Variants in PCDH15 observed in about 807,000 individuals in gnomAD.
The protein encoded by PCDH15 is protocadherin related 15.
In PCDH15, 129 loss-of-function variants were observed where a neutral mutation model predicts 178.5. The observed-to-expected ratio is 0.72, with a 90% confidence interval of 0.63 to 0.84. PCDH15 has a LOEUF of 0.84. PCDH15 is among the 40% of genes least tolerant of loss of function. PCDH15 has a pLI of 0.00. For missense variants in PCDH15, 2,230 were observed against 2,099.9 expected, an observed-to-expected ratio of 1.06 and a Z score of -1.21; for synonymous variants, 800 against 732.0, an observed-to-expected ratio of 1.09 and a Z score of -1.50.
intron 2 of PCDH15, among the ~76,000 whole-genome samples, chr10:54,955,088 G>A (rs1354660589): frequency 1.3e-5 from 2 of 151,182 alleles, no homozygotes; most frequent in African/African-American, 2.4e-5. Flanking sequence ...ATAGTGAATT[G>A]TTTTTTGCAT....
intron 14 of PCDH15, among the ~76,000 whole-genome samples, chr10:54,147,740 AAAAC>A (rs1449518325): frequency 1.3e-5 from 2 of 152,140 alleles, no homozygotes; most frequent in East Asian, 1.9e-4. Flanking sequence ...TCAAAATAAA[AAAAC>A]AAAAGGTGAC....
At chr10:54,155,437 G>C (rs1208255061) in intron 13 of PCDH15, among the ~76,000 whole-genome samples, 1 of 152,014 alleles carries the variant, frequency 6.6e-6, no homozygotes, top group Non-Finnish European at 1.5e-5. Context: ...AGCTTAACAA[G>C]TACACAAAAT....
rs577715712 is a variant in PCDH15 at position 54,511,340 on chromosome 10, T to C, written c.157+16472A>G. On this transcript the variant is annotated intron_variant, in intron 3 of 37. Transcript: ENST00000644397. ...TTGTCCCCATGGACTCTAATTTGGC[T>C]TCATGGATATCAGTTTGCCCTCACT... Among the ~76,000 whole-genome samples the C allele has an allele frequency of 5.9e-5, 9 of 152,254 alleles. No individual in the cohort carries two copies. In the East Asian group the frequency reaches 1.7e-3, roughly 29 times the overall value.
chr10:55,141,348 G>T (rs1564832198), intron 2 of PCDH15, among the ~76,000 whole-genome samples: 2 of 151,978 alleles, frequency 1.3e-5, no homozygotes, highest in Admixed American at 6.6e-5. Context: ...AAAAGAACTG[G>T]GTTAGAGTCA....
intron 11 of PCDH15, among the ~76,000 whole-genome samples, chr10:54,195,163 T>C (rs2049477646): frequency 6.6e-6 from 1 of 152,106 alleles, no homozygotes; most frequent in Non-Finnish European, 1.5e-5. Flanking sequence ...GTAGATAGTG[T>C]GAGTACAAGA....
At chr10:54,147,075 C>T (rs2044054800) in intron 14 of PCDH15, among the ~76,000 whole-genome samples, 1 of 148,348 alleles carries the variant, frequency 6.7e-6, no homozygotes, top group Non-Finnish European at 1.5e-5. Flanking sequence ...ATATAATCTT[C>T]CTTATAAAAG....
At chr10:54,447,923 C>T (rs2076242408) in intron 3 of PCDH15, among the ~76,000 whole-genome samples, 1 of 148,278 alleles carries the variant, frequency 6.7e-6, no homozygotes, top group Admixed American at 6.9e-5. Context: ...AAATAAATAT[C>T]CTTAAATAAA....
intron 2 of PCDH15, among the ~76,000 whole-genome samples, chr10:54,930,238 T>A (rs1598177): frequency 6.6e-6 from 1 of 152,132 alleles, no homozygotes; most frequent in South Asian, 2.1e-4. Flanking sequence ...GGTTCTTCAC[T>A]CACTGTGTAA....
intron 9 of PCDH15, among the ~76,000 whole-genome samples, chr10:54,234,922 G>A (rs2054470664): frequency 6.6e-6 from 1 of 152,032 alleles, no homozygotes; most frequent in Non-Finnish European, 1.5e-5. Flanking sequence ...TAACATACAA[G>A]GCTCTCTAGT....
At chr10:54,168,884 T>C (rs1395418007) in intron 13 of PCDH15, among the ~76,000 whole-genome samples, 1 of 151,838 alleles carries the variant, frequency 6.6e-6, no homozygotes. Flanking sequence ...GCCTTCAAGG[T>C]GTACAATAAT....
chr10:54,992,236 C>T (rs540862015), intron 2 of PCDH15, among the ~76,000 whole-genome samples: 2 of 152,240 alleles, frequency 1.3e-5, no homozygotes, highest in South Asian at 4.1e-4. Context: ...CACCACACTG[C>T]CATTTGATCA....
intron 3 of PCDH15, among the ~76,000 whole-genome samples, chr10:54,514,585 T>A (rs2082023279): frequency 6.6e-6 from 1 of 151,886 alleles, no homozygotes; most frequent in African/African-American, 2.4e-5. Context: ...AAATTATATT[T>A]TGTGAGATTT....
At position 54,130,689 on chromosome 10, in the gene PCDH15, TA is replaced by T. The variant is rs200011281; in HGVS notation, c.1917+2185del. Among the ~76,000 whole-genome samples the T allele has an allele frequency of 1.7e-4, 26 of 152,336 alleles. No homozygotes were observed. The East Asian group carries it at 5.0e-3, about 29-fold the overall frequency. On this transcript the variant is annotated intron_variant, in intron 15 of 37. Transcript: ENST00000644397. ...GACTTTGATCTCCATCAAAACAGAT[TA>T]GTTTGAAGCCAATTTGCTGCTATCT... is the stretch of plus-strand genomic sequence containing the variant.
In PCDH15 at chr10:53,968,778, C is replaced by G. The variant is rs186731463; in HGVS notation, c.2869-6886G>C. Among the ~76,000 whole-genome samples the G allele has an allele frequency of 4.4e-3, 674 of 152,304 alleles. 2 individuals carry two copies. Among genetic ancestry groups the G allele is most frequent in the Non-Finnish European group, 6.1e-3 (412 of 68,020 alleles). On this transcript the variant is annotated intron_variant, in intron 21 of 37. Coordinates refer to ENST00000644397, the MANE Select transcript of PCDH15 (RefSeq NM_001384140.1). The stretch of plus-strand genomic sequence containing the variant: ...ACCTCCAGCAACTCCAACAGTCCAG[C>G]AGCTGACGGTCCTGACTGTTAGAAC...
chr10:55,071,337 G>A (rs1334415748), intron 2 of PCDH15, among the ~76,000 whole-genome samples: 5 of 152,082 alleles, frequency 3.3e-5, no homozygotes, highest in African/African-American at 1.2e-4. Flanking sequence ...TCAGTGTGCT[G>A]TATTCAGGAC....
At chr10:54,283,793 C>A (rs1272275279) in intron 8 of PCDH15, among the ~76,000 whole-genome samples, 7 of 152,026 alleles carry the variant, frequency 4.6e-5, no homozygotes, top group African/African-American at 1.4e-4. Context: ...TGGAAGGATG[C>A]ACAGGTTCAG....
intron 1 of PCDH15, among the ~76,000 whole-genome samples, chr10:55,223,953 CATAA>C (rs1171253205): frequency 6.6e-6 from 1 of 151,992 alleles, no homozygotes; most frequent in Non-Finnish European, 1.5e-5. Flanking sequence ...AAACAAAATC[CATAA>C]ATAAACAAAT....
intron 1 of PCDH15, among the ~76,000 whole-genome samples, chr10:54,720,050 G>C (rs752493527): frequency 2.0e-5 from 3 of 152,020 alleles, no homozygotes; most frequent in Non-Finnish European, 4.4e-5. Context: ...AACAATAGAT[G>C]CTGGTGAGGC....
intron 1 of PCDH15, among the ~76,000 whole-genome samples, chr10:54,735,675 A>T (rs1944007014): frequency 8.1e-6 from 1 of 123,558 alleles, no homozygotes; most frequent in African/African-American, 3.0e-5. Flanking sequence ...ACCATGGAAT[A>T]CTATGCAGCC....
Sources: gnomAD v4.1 joint callset for allele counts (sites outside exome capture counted in the v4.1 genomes callset) on GRCh38, gnomAD v4.1.1 for gene constraint, MANE v1.5 for transcripts, NCBI Gene and HGNC (gene_info 2026-07-23, HGNC 2026-07-21) for gene names.